The following RIT2 variants were observed in gnomAD, a reference collection of about 807,000 sequenced individuals.
RIT2 encodes GTP-binding protein Rit2.
Under a neutral mutation model 23.7 loss-of-function variants are expected in RIT2, and 24 were observed. The observed-to-expected ratio is 1.01, with a 90% CI of 0.73 to 1.43. The LOEUF is 1.43. RIT2 is among the 40% of genes most tolerant of loss of function. RIT2 has a pLI of 0.00. For missense variants in RIT2, 236 were observed against 266.9 expected (o/e 0.88, Z 0.81); for synonymous variants, 107 against 91.1 (o/e 1.17, Z -0.99).
At chr18:42,812,707 A>G (rs1468562799) in intron 4 of RIT2, among the ~76,000 whole-genome samples, 1 of 152,158 alleles carries the variant, frequency 6.6e-6, no homozygotes. Flanking sequence ...AGAAAGGAAG[A>G]AATTAAAGAA....
In RIT2 at chr18:43,077,102, C is replaced by CAAAAAAGAA. The variant is rs755511835; in HGVS notation, c.103+38314_103+38315insTTCTTTTTT. On this transcript the variant is annotated intron_variant, in intron 1 of 4. Transcript: ENST00000326695. ...TGGGCGACAGAGCGAGACTCCGTCT[C>CAAAAAAGAA]AAAAAAAAAAAAAAAAAAAAAGGCT... Among the ~76,000 whole-genome samples, 83 of 80,246 alleles carry CAAAAAAGAA rather than the reference C, an allele frequency of 1.0e-3. 1 individual carries two copies. Among genetic ancestry groups the CAAAAAAGAA allele is most frequent in the African/African-American group, 2.5e-3 (53 of 21,500 alleles). The allele number at this position is 80,246 out of a possible 152,430, so 52.6% of individuals were successfully genotyped here.
At chr18:43,076,752 A>C (rs1050002878) in intron 1 of RIT2, among the ~76,000 whole-genome samples, 2 of 152,156 alleles carry the variant, frequency 1.3e-5, no homozygotes, top group African/African-American at 4.8e-5. Flanking sequence ...GACATAAGTT[A>C]AATCCTAAGA....
intron 4 of RIT2, among the ~76,000 whole-genome samples, chr18:42,784,449 T>C (rs961259712): frequency 6.6e-6 from 1 of 152,034 alleles, no homozygotes; most frequent in African/African-American, 2.4e-5. Flanking sequence ...TCTTCTGTTG[T>C]AGAATGGGAG....
intron 2 of RIT2, among the ~76,000 whole-genome samples, chr18:42,996,888 C>A (rs918530611): frequency 2.0e-5 from 3 of 152,164 alleles, no homozygotes; most frequent in African/African-American, 7.2e-5. Context: ...ACCTGGTCAT[C>A]CCTATGAAAA....
chr18:42,987,208 T>C (rs1910731839), intron 2 of RIT2, among the ~76,000 whole-genome samples: 1 of 152,210 alleles, frequency 6.6e-6, no homozygotes, highest in Admixed American at 6.5e-5. Flanking sequence ...ACATGTATCA[T>C]GGTCTCATGG....
intron 1 of RIT2, among the ~76,000 whole-genome samples, chr18:43,051,330 A>G (rs964501055): frequency 6.6e-6 from 1 of 152,178 alleles, no homozygotes; most frequent in Non-Finnish European, 1.5e-5. Flanking sequence ...GAAGTTTTGT[A>G]ATAGAATGAA....
intron 1 of RIT2, among the ~76,000 whole-genome samples, chr18:43,102,445 CTTTTTTTTTTTT>C (rs200839354): frequency 0.15 from 16,137 of 110,174 alleles, 1,323 homozygotes; most frequent in East Asian, 0.42. Flanking sequence ...TCAGGAAACC[CTTTTTTTTTTTT>C]TTTTTTTTTT....
intron 2 of RIT2, among the ~76,000 whole-genome samples, chr18:42,988,633 A>G (rs557084097): frequency 3.3e-5 from 5 of 152,330 alleles, no homozygotes; most frequent in African/African-American, 1.2e-4. Context: ...TTAAAATGCA[A>G]TAAAACTACA....
At chr18:42,862,357 G>A (rs953134369) in intron 4 of RIT2, among the ~76,000 whole-genome samples, 1 of 152,132 alleles carries the variant, frequency 6.6e-6, no homozygotes, top group Non-Finnish European at 1.5e-5. Context: ...CCCCAGCCAT[G>A]TGGACCTGTG....
chr18:42,894,028 C>G (rs1000384170), intron 4 of RIT2, among the ~76,000 whole-genome samples: 1 of 152,186 alleles, frequency 6.6e-6, no homozygotes, highest in Admixed American at 6.5e-5. Flanking sequence ...GTATTCAGGA[C>G]AGCAAGCATG....
At chr18:42,765,159 T>A (rs1913391739) in intron 4 of RIT2, among the ~76,000 whole-genome samples, 1 of 152,218 alleles carries the variant, frequency 6.6e-6, no homozygotes, top group African/African-American at 2.4e-5. Flanking sequence ...ATAGAAGCAA[T>A]TAATATTTGG....
intron 4 of RIT2, among the ~76,000 whole-genome samples, chr18:42,915,565 C>G (rs1021561931): frequency 2.6e-5 from 4 of 151,882 alleles, no homozygotes; most frequent in Non-Finnish European, 5.9e-5. Context: ...TCCATGAAAA[C>G]CAAACAATTC....
At chr18:43,047,085 C>T (rs181223064) in intron 1 of RIT2, among the ~76,000 whole-genome samples, 53 of 152,240 alleles carry the variant, frequency 3.5e-4, no homozygotes, top group South Asian at 1.5e-3. Context: ...AAAGATGACA[C>T]AATTTGAAAA....
At chr18:42,920,951 T>A (rs573822256) in intron 4 of RIT2, among the ~76,000 whole-genome samples, 1 of 152,086 alleles carries the variant, frequency 6.6e-6, no homozygotes, top group Non-Finnish European at 1.5e-5. Context: ...GCTTTTTTTT[T>A]TTTATATGAA....
intron 2 of RIT2, among the ~76,000 whole-genome samples, chr18:42,986,584 C>G (rs1421275811): frequency 6.6e-6 from 1 of 151,388 alleles, no homozygotes. Context: ...TCACTGCAAC[C>G]TCCGCCTCCT....
chr18:43,076,667 A>G (rs945500937), intron 1 of RIT2, among the ~76,000 whole-genome samples: 1 of 152,190 alleles, frequency 6.6e-6, no homozygotes, highest in African/African-American at 2.4e-5. Context: ...AGGTCCATAG[A>G]TATGTCTAGC....
intron 4 of RIT2, among the ~76,000 whole-genome samples, chr18:42,818,265 C>T (rs993261392): frequency 2.0e-5 from 3 of 151,964 alleles, no homozygotes; most frequent in African/African-American, 7.2e-5. Context: ...CTAGAATGGG[C>T]AAAATTAGGC....
intron 4 of RIT2, among the ~76,000 whole-genome samples, chr18:42,889,006 C>T (rs1294699002): frequency 1.3e-5 from 2 of 151,952 alleles, no homozygotes; most frequent in Non-Finnish European, 1.5e-5. Flanking sequence ...CACCATCATA[C>T]AATATTCTCA....
intron 4 of RIT2, among the ~76,000 whole-genome samples, chr18:42,757,959 A>G (rs1913203061): frequency 2.0e-5 from 3 of 151,278 alleles, no homozygotes; most frequent in Non-Finnish European, 2.9e-5. Flanking sequence ...GAGGTTACTG[A>G]TTCTTGTCAA....
Sources: gnomAD v4.1 joint callset for allele counts (sites outside exome capture counted in the v4.1 genomes callset) on GRCh38, gnomAD v4.1.1 for gene constraint, MANE v1.5 for transcripts, NCBI Gene and HGNC (gene_info 2026-07-23, HGNC 2026-07-21) for gene names.